AFF1: variants seen among roughly 807,000 people sequenced by gnomAD.
AFF1 encodes the protein AF4/FMR2 family member 1.
AFF1 carries 48 observed loss-of-function variants against 121.7 expected under a neutral mutation model. The observed-to-expected ratio is 0.39, with a 90% CI of 0.31 to 0.50. The LOEUF (loss-of-function observed/expected upper bound fraction) is 0.50. AFF1 is among the 20% of genes least tolerant of loss of function. AFF1 has a pLI of 0.76. For missense variants in AFF1, 1,523 were observed against 1,511.7 expected, an observed-to-expected ratio of 1.01 and a Z score of -0.12; for synonymous variants, 613 against 563.0, an observed-to-expected ratio of 1.09 and a Z score of -1.26.
chr4:87,079,660 C>T (rs1252270631), intron 4 of AFF1, among the ~76,000 whole-genome samples: 2 of 152,176 alleles, frequency 1.3e-5, no homozygotes, highest in South Asian at 2.1e-4. Context: ...TGCTTCAGAG[C>T]TTTTGTGTGT....
At chr4:87,135,483 G>GACCTACCT (rs1729222039) in intron 20 of AFF1, 97 bp from the exon 21 acceptor site, 1 of 1,259,928 alleles carries the variant, frequency 7.9e-7, no homozygotes, top group African/African-American at 1.5e-5. Context: ...ATATTGTGGG[G>GACCTACCT]ACCTACCTTC....
intron 2 of AFF1, among the ~76,000 whole-genome samples, chr4:87,041,200 T>C (rs538213928): frequency 6.6e-6 from 1 of 152,236 alleles, no homozygotes; most frequent in South Asian, 2.1e-4. Flanking sequence ...TGAGCTAGCT[T>C]TCGTTCAGTT....
At chr4:87,079,186 A>G (rs761474320) in intron 4 of AFF1, among the ~76,000 whole-genome samples, 2 of 152,154 alleles carry the variant, frequency 1.3e-5, no homozygotes, top group Non-Finnish European at 2.9e-5. Context: ...TGAGAATAGC[A>G]TTGTTATAAA....
At chr4:87,043,028 A>G (rs1327369262) in intron 2 of AFF1, among the ~76,000 whole-genome samples, 1 of 152,224 alleles carries the variant, frequency 6.6e-6, no homozygotes, top group African/African-American at 2.4e-5. Context: ...GAGGACTCTG[A>G]GCAGCCTGTT....
intron 4 of AFF1, among the ~76,000 whole-genome samples, chr4:87,059,569 T>C (rs1256323827): frequency 6.6e-6 from 1 of 152,252 alleles, no homozygotes. Flanking sequence ...CATGAGTGAT[T>C]TGATTAAGTG....
chr4:86,991,934 C>T (rs1449665211), intron 2 of AFF1, among the ~76,000 whole-genome samples: 2 of 149,700 alleles, frequency 1.3e-5, no homozygotes, highest in Non-Finnish European at 1.5e-5. Context: ...AGACACTTCT[C>T]GAGAAAACCA....
chr4:86,978,159 TAC>T (rs1723446950), intron 2 of AFF1, among the ~76,000 whole-genome samples: 2 of 25,588 alleles, frequency 7.8e-5, no homozygotes, highest in Non-Finnish European at 6.1e-4. Flanking sequence ...TTACTTCTCT[TAC>T]TTCTCATTAC....
chr4:87,048,008 A>G (rs1730896913), intron 4 of AFF1: 2 of 204,938 alleles, frequency 9.8e-6, no homozygotes, highest in South Asian at 8.0e-5. Context: ...TGGGGTAACA[A>G]TGTGAACACG....
intron 19 of AFF1, among the ~76,000 whole-genome samples, chr4:87,132,977 T>C (rs1268501477): frequency 1.3e-5 from 2 of 152,244 alleles, no homozygotes; most frequent in Non-Finnish European, 2.9e-5. Context: ...GCCACAGGCG[T>C]GAGCCACCGC....
At chr4:87,035,884 G>A (rs983463513) in intron 2 of AFF1, among the ~76,000 whole-genome samples, 12 of 152,338 alleles carry the variant, frequency 7.9e-5, no homozygotes, top group African/African-American at 2.6e-4. Flanking sequence ...GTTTGTAACT[G>A]TAGGATTTTT....
chr4:87,085,775 GTC>G (rs201595552), intron 5 of AFF1, among the ~76,000 whole-genome samples: 1,773 of 148,074 alleles, frequency 0.012, 37 homozygotes, highest in African/African-American at 0.041. Flanking sequence ...TTGAGACAGA[GTC>G]TCTCTCTGTC....
chr4:87,087,808 A>C (rs902374172), intron 5 of AFF1, among the ~76,000 whole-genome samples: 1 of 152,236 alleles, frequency 6.6e-6, no homozygotes, highest in African/African-American at 2.4e-5. Context: ...TGAGATTCCA[A>C]ATAAATTATT....
intron 12 of AFF1, among the ~76,000 whole-genome samples, chr4:87,118,041 C>T (rs7695371): frequency 0.054 from 8,225 of 152,166 alleles, 742 homozygotes; most frequent in African/African-American, 0.19. Flanking sequence ...TAAATGTGAA[C>T]ATTAGAAAAA....
chr4:87,115,698 C>G (rs1032862312), intron 12 of AFF1, among the ~76,000 whole-genome samples: 3 of 147,784 alleles, frequency 2.0e-5, no homozygotes, highest in Non-Finnish European at 4.5e-5. Flanking sequence ...CAGCCCCTAC[C>G]TCTGGGGTGA....
Position 87,049,811 on chromosome 4 carries a change from G to A in AFF1, c.1059+2217G>A, listed in dbSNP as rs1193173605. On this transcript the variant is annotated intron_variant, in intron 4 of 20. Transcript: ENST00000395146. ...GGGGTCAGACAGATGGAGGGCTCTC[G>A]GTGACCCCTTTGAGGGCAAATTAGG... 5 of 453,046 alleles carry A rather than the reference G, an allele frequency of 1.1e-5. No individual in the cohort carries two copies. The East Asian group carries it at 2.1e-4, about 19-fold the overall frequency. The allele number at this position is 453,046 out of a possible 1,614,324, so 28.1% of individuals were successfully genotyped here.
chr4:87,084,838 C>T (rs940167154), intron 5 of AFF1, among the ~76,000 whole-genome samples: 1 of 152,174 alleles, frequency 6.6e-6, no homozygotes, highest in Non-Finnish European at 1.5e-5. Context: ...AGGAGAGTTG[C>T]TCACTTCCCA....
At chr4:87,084,412 A>C (rs1049618493) in intron 5 of AFF1, among the ~76,000 whole-genome samples, 3 of 151,982 alleles carry the variant, frequency 2.0e-5, no homozygotes, top group Non-Finnish European at 4.4e-5. Flanking sequence ...GAGTGGTGGC[A>C]CATGCCTGTA....
At chr4:87,020,551 T>A (rs1192539857) in intron 2 of AFF1, among the ~76,000 whole-genome samples, 2 of 152,240 alleles carry the variant, frequency 1.3e-5, no homozygotes, top group Admixed American at 1.3e-4. Flanking sequence ...GTGGCGCAAT[T>A]TCGGCTCACT....
At chr4:87,057,527 A>G (rs765404589) in intron 4 of AFF1, among the ~76,000 whole-genome samples, 6 of 152,058 alleles carry the variant, frequency 3.9e-5, no homozygotes, top group Non-Finnish European at 8.8e-5. Flanking sequence ...TGTGCATAGT[A>G]TGAGTTCCAT....
Sources: gnomAD v4.1 joint callset for allele counts (sites outside exome capture counted in the v4.1 genomes callset) on GRCh38, gnomAD v4.1.1 for gene constraint, MANE v1.5 for transcripts, NCBI Gene and HGNC (gene_info 2026-07-23, HGNC 2026-07-21) for gene names.